RIMS2: variants seen among roughly 807,000 people sequenced by gnomAD.
RIMS2 encodes the protein regulating synaptic membrane exocytosis protein 2.
Under a neutral mutation model 174.4 loss-of-function variants are expected in RIMS2, and 59 were observed. The observed-to-expected ratio is 0.34, with a 90% CI of 0.27 to 0.42. RIMS2 has a LOEUF of 0.42. Ranked by LOEUF, RIMS2 falls within the 10% of genes least tolerant of loss-of-function variation. RIMS2 has a pLI of 1.00. For missense variants in RIMS2, 1,620 were observed against 1,666.3 expected (o/e 0.97, Z 0.48); for synonymous variants, 606 against 572.5 (o/e 1.06, Z -0.84).
At position 103,688,918 on chromosome 8, in the gene RIMS2, G is replaced by T. The variant is rs181197817; in HGVS notation, c.177-8168G>T. On this transcript the variant is annotated intron_variant, in intron 1 of 23. Transcript: ENST00000504942. ...TTGGGCTTAGTTTGTTCTTCTTTTCGTAGTTTCTTTGGTCGTAATTTTAGG... is the reference window on the plus strand; with the variant it reads ...TTGGGCTTAGTTTGTTCTTCTTTTCTTAGTTTCTTTGGTCGTAATTTTAGG... Among the ~76,000 whole-genome samples the T allele has an allele frequency of 1.9e-3, 289 of 151,510 alleles. 1 individual carries two copies. The highest frequency in any genetic ancestry group is 6.8e-3 in the African/African-American group (281 of 41,354).
intron 19 of RIMS2, among the ~76,000 whole-genome samples, chr8:104,061,622 A>G (rs1476096767): frequency 6.7e-6 from 1 of 148,916 alleles, no homozygotes; most frequent in Non-Finnish European, 1.5e-5. Flanking sequence ...ATATGTATAT[A>G]TATTTTTATA....
At chr8:103,521,207 G>A (rs890812264) in intron 1 of RIMS2, among the ~76,000 whole-genome samples, 9 of 151,570 alleles carry the variant, frequency 5.9e-5, no homozygotes, top group Non-Finnish European at 1.2e-4. Context: ...AATGGGTGCA[G>A]CACACCAACA....
chr8:103,988,329 A>T (rs1210080268), intron 16 of RIMS2, among the ~76,000 whole-genome samples: 4 of 152,224 alleles, frequency 2.6e-5, no homozygotes, highest in Admixed American at 6.5e-5. Flanking sequence ...TAGCTCACCA[A>T]TGGAATAAAT....
chr8:103,841,424 T>C (rs2098939120), intron 3 of RIMS2, among the ~76,000 whole-genome samples: 2 of 152,124 alleles, frequency 1.3e-5, no homozygotes, highest in Admixed American at 6.6e-5. Flanking sequence ...AAATCTAGAC[T>C]TGATGATTCT....
chr8:103,592,317 A>T (rs924833050), intron 1 of RIMS2, among the ~76,000 whole-genome samples: 4 of 151,198 alleles, frequency 2.6e-5, no homozygotes, highest in Non-Finnish European at 4.5e-5. Context: ...TACAAATAAA[A>T]CATATTCTTC....
At chr8:103,950,041 C>T (rs1003050294) in intron 14 of RIMS2, among the ~76,000 whole-genome samples, 1 of 151,976 alleles carries the variant, frequency 6.6e-6, no homozygotes, top group Non-Finnish European at 1.5e-5. Context: ...TAGAAAATTT[C>T]CTTGAAACAC....
intron 3 of RIMS2, among the ~76,000 whole-genome samples, chr8:103,881,894 A>T (rs2099169065): frequency 6.6e-6 from 1 of 151,474 alleles, no homozygotes; most frequent in South Asian, 2.1e-4. Flanking sequence ...ATATAAATAT[A>T]TACTGATATT....
intron 1 of RIMS2, among the ~76,000 whole-genome samples, chr8:103,606,251 G>A (rs867972147): frequency 0.028 from 4,154 of 146,240 alleles, 41 homozygotes; most frequent in African/African-American, 0.043. Context: ...CCTTCATTTC[G>A]TTATGTACCC....
chr8:103,882,964 A>G (rs1490621724), intron 3 of RIMS2, among the ~76,000 whole-genome samples: 5 of 151,630 alleles, frequency 3.3e-5, no homozygotes, highest in Non-Finnish European at 7.4e-5. Flanking sequence ...TCAGTTTAAC[A>G]TTAAATGTAT....
At chr8:103,887,556 G>T (rs1482204634) in intron 4 of RIMS2, among the ~76,000 whole-genome samples, 2 of 150,412 alleles carry the variant, frequency 1.3e-5, no homozygotes, top group Non-Finnish European at 3.0e-5. Flanking sequence ...AATTTATTTT[G>T]GTGTATGACA....
chr8:104,173,613 A>ATTTTTTTTTTTTTTTTTT (rs71297262), intron 19 of RIMS2, among the ~76,000 whole-genome samples: 3 of 54,236 alleles, frequency 5.5e-5, no homozygotes, highest in Non-Finnish European at 6.0e-5. Flanking sequence ...AGCTCTTCTG[A>ATTTTTTTTTTTTTTTTTT]TTTTTTTTTT....
At chr8:103,679,183 C>T (rs1040850486) in intron 1 of RIMS2, among the ~76,000 whole-genome samples, 2 of 152,002 alleles carry the variant, frequency 1.3e-5, no homozygotes, top group African/African-American at 4.8e-5. Context: ...TATATGGATT[C>T]TCCCCTTCCC....
rs1284925255 is a variant in RIMS2, at chr8:103,885,496, A to C, written c.897A>C (p.Arg299Ser). Reference sequence around the variant, plus strand: ...TAAGTTATAGGGACTCCAACAGGAGAAGTCATAGGCATTCCAAAGAATATA... The same window carrying C: ...TAAGTTATAGGGACTCCAACAGGAGCAGTCATAGGCATTCCAAAGAATATA... The change falls in exon 4 of 24, where the codon AGA (arginine) becomes AGC (serine). Residue 299 changes from arginine to serine, a missense_variant. Physicochemically the swap from Arg to Ser is moderately radical, Grantham distance 110. Around this residue, in one of 2 missense-constraint regions of RIMS2, gnomAD observed 1,395 missense variants for 1,360.1 expected, o/e 1.03. Transcript: ENST00000504942. The C allele has an allele frequency of 1.2e-6, 2 of 1,612,598 alleles. No individual in the cohort carries two copies. The highest frequency in any genetic ancestry group is 2.7e-5 in the African/African-American group (2 of 74,796).
intron 1 of RIMS2, among the ~76,000 whole-genome samples, chr8:103,588,785 G>A (rs2094105663): frequency 2.0e-5 from 3 of 151,686 alleles, no homozygotes; most frequent in South Asian, 2.1e-4. Context: ...CTGAAATTTA[G>A]GACTTCAAAC....
At chr8:103,926,627 T>G (rs1320754130) in intron 10 of RIMS2, among the ~76,000 whole-genome samples, 1 of 151,568 alleles carries the variant, frequency 6.6e-6, no homozygotes, top group Non-Finnish European at 1.5e-5. Flanking sequence ...ATTATCTGTT[T>G]CCAGTTAGCA....
rs184730814 is a variant in RIMS2, at chr8:103,839,664, A to G, written c.699-45634A>G. ...GCAGGTGCAGTCTACTAGGCTCCAG[A>G]TAGCCTGCATATGTACTGCTTAGAG... On this transcript the variant is annotated intron_variant, in intron 3 of 23. Transcript: ENST00000504942. Among the ~76,000 whole-genome samples the G allele has an allele frequency of 4.7e-4, 71 of 152,290 alleles. 1 individual carries two copies. Among genetic ancestry groups the G allele is most frequent in the Admixed American group, 2.9e-3 (44 of 15,292 alleles).
At chr8:103,658,977 G>A (rs1390221316) in intron 1 of RIMS2, among the ~76,000 whole-genome samples, 2 of 152,216 alleles carry the variant, frequency 1.3e-5, no homozygotes, top group Admixed American at 6.5e-5. Flanking sequence ...CACAAGGAGA[G>A]AGCAGATGGG....
intron 19 of RIMS2, among the ~76,000 whole-genome samples, chr8:104,061,371 T>C (rs1181009147): frequency 1.3e-5 from 2 of 152,132 alleles, no homozygotes; most frequent in Non-Finnish European, 2.9e-5. Flanking sequence ...AAAGTCTGTT[T>C]TATAGGAGAT....
In RIMS2 at chr8:104,044,131, A is replaced by G. The variant is rs186928015; in HGVS notation, c.3334+29516A>G. Among the ~76,000 whole-genome samples, 295 of 151,746 alleles carry G rather than the reference A, an allele frequency of 1.9e-3. 2 individuals are homozygous for G. Among genetic ancestry groups the G allele is most frequent in the Non-Finnish European group, 3.8e-3 (257 of 67,626 alleles). ...GTCAACATTCCATTCATGATACGAA[A>G]GGAAATGAACGTTCTCTGATGAAGC... is the stretch of plus-strand genomic sequence containing the variant. On this transcript the variant is annotated intron_variant, in intron 19 of 23. Transcript: ENST00000504942.
Sources: allele counts gnomAD v4.1 joint callset (sites outside exome capture counted in the v4.1 genomes callset), GRCh38; gene constraint gnomAD v4.1.1; regional missense constraint gnomAD v4.1.1; transcripts MANE v1.5; gene names NCBI Gene and HGNC (gene_info 2026-07-23, HGNC 2026-07-21).